ERGIC2: variants seen among roughly 807,000 people sequenced by gnomAD.
The protein encoded by ERGIC2 is ERGIC and golgi 2.
In ERGIC2, 31 loss-of-function variants were observed where a neutral mutation model predicts 52.5. The observed-to-expected ratio is 0.59, with a 90% CI of 0.44 to 0.80. The LOEUF (loss-of-function observed/expected upper bound fraction) is 0.80, where lower values mean the gene tolerates loss of function less well. Ranked by LOEUF, ERGIC2 falls within the 30% of genes least tolerant of loss-of-function variation. ERGIC2 has a pLI of 0.00. For missense variants in ERGIC2, 395 were observed against 455.2 expected (o/e 0.87, Z 1.20); for synonymous variants, 129 against 140.6 (o/e 0.92, Z 0.58).
chr12:29,351,806 T>C (rs962849856), intron 8 of ERGIC2, among the ~76,000 whole-genome samples: 10 of 152,242 alleles, frequency 6.6e-5, no homozygotes, highest in Non-Finnish European at 1.3e-4. Flanking sequence ...TCACGTTTTA[T>C]GATAAAATTC....
intron 11 of ERGIC2, 125 bp downstream of exon 11, chr12:29,345,318 C>T: frequency 1.6e-6 from 1 of 641,068 alleles, no homozygotes; most frequent in Non-Finnish European, 2.8e-6. Context: ...CATTTCAAAA[C>T]TTCCACAGAT....
At chr12:29,357,810 TTAGTTAAATCA>T in intron 6 of ERGIC2, 86 bp from the exon 7 acceptor site, 1 of 783,568 alleles carries the variant, frequency 1.3e-6, no homozygotes, top group Non-Finnish European at 2.2e-6. Context: ...TTTAGCTGAC[TTAGTTAAATCA>T]TACATTTATT....
intron 3 of ERGIC2, among the ~76,000 whole-genome samples, chr12:29,369,868 T>C (rs1434622837): frequency 6.6e-6 from 1 of 151,936 alleles, no homozygotes; most frequent in African/African-American, 2.4e-5. Flanking sequence ...AGGAAAAATA[T>C]TCCCCTAACT....
intron 3 of ERGIC2, among the ~76,000 whole-genome samples, chr12:29,368,523 T>C (rs1215105888): frequency 6.6e-6 from 1 of 151,906 alleles, no homozygotes; most frequent in African/African-American, 2.4e-5. Flanking sequence ...TATCCTTTAA[T>C]AATGGCAACT....
At chr12:29,360,024 GTTAA>G (rs1157380894) in intron 6 of ERGIC2, among the ~76,000 whole-genome samples, 3 of 151,946 alleles carry the variant, frequency 2.0e-5, no homozygotes, top group African/African-American at 2.4e-5. Context: ...ATAAAGAAAT[GTTAA>G]TTAATAAAAG....
chr12:29,374,753 T>C (rs1364054318), intron 1 of ERGIC2, among the ~76,000 whole-genome samples: 1 of 152,200 alleles, frequency 6.6e-6, no homozygotes, highest in Non-Finnish European at 1.5e-5. Flanking sequence ...TCAGGCCTAC[T>C]GAGAAATTCC....
At chr12:29,366,495 T>G (rs1052373635) in intron 5 of ERGIC2, among the ~76,000 whole-genome samples, 1 of 151,908 alleles carries the variant, frequency 6.6e-6, no homozygotes, top group African/African-American at 2.4e-5. Context: ...TACTTAAATT[T>G]GGTCATAGTA....
chr12:29,341,918 T>C, intron 12 of ERGIC2, 102 bp from the exon 13 acceptor site: 1 of 579,188 alleles, frequency 1.7e-6, no homozygotes, highest in Non-Finnish European at 3.1e-6. Flanking sequence ...CAAAGCAGTT[T>C]GCATTATTCA....
intron 5 of ERGIC2, among the ~76,000 whole-genome samples, chr12:29,365,439 A>C (rs772255769): frequency 3.2e-4 from 49 of 152,106 alleles, no homozygotes; most frequent in Non-Finnish European, 5.6e-4. Flanking sequence ...GCAACAACAG[A>C]AAGTGGGGAC....
chr12:29,342,347 A>G (rs945132807), intron 12 of ERGIC2, among the ~76,000 whole-genome samples: 7 of 152,208 alleles, frequency 4.6e-5, no homozygotes, highest in African/African-American at 1.7e-4. Context: ...TCCCACACCA[A>G]TACAATTTTG....
intron 10 of ERGIC2, among the ~76,000 whole-genome samples, chr12:29,348,317 A>G (rs1940085985): frequency 6.6e-6 from 1 of 152,108 alleles, no homozygotes; most frequent in Non-Finnish European, 1.5e-5. Flanking sequence ...ATAAAAAACT[A>G]AATCCTTAAT....
At chr12:29,357,875 T>C (rs990990521) in intron 6 of ERGIC2, 151 bp from the exon 7 acceptor site, 6 of 644,922 alleles carry the variant, frequency 9.3e-6, no homozygotes, top group Admixed American at 6.2e-5. Flanking sequence ...AAGTTTTCTT[T>C]GGTCATTTCC....
At chr12:29,361,560 G>A in intron 6 of ERGIC2, 85 bp downstream of exon 6, 1 of 965,030 alleles carries the variant, frequency 1.0e-6, no homozygotes, top group South Asian at 2.1e-5. Flanking sequence ...AATCCCTAGA[G>A]AAATGTGTTA....
chr12:29,354,688 G>T (rs1157076596), intron 8 of ERGIC2, among the ~76,000 whole-genome samples: 1 of 152,062 alleles, frequency 6.6e-6, no homozygotes, highest in Non-Finnish European at 1.5e-5. Flanking sequence ...TTTCTATTTG[G>T]CCTCTCTGAT....
At chr12:29,345,897 T>C (rs770797639) in intron 10 of ERGIC2, among the ~76,000 whole-genome samples, 1 of 152,074 alleles carries the variant, frequency 6.6e-6, no homozygotes, top group East Asian at 2.0e-4. Flanking sequence ...CAGTGAGCCA[T>C]GATTGTGCTA....
intron 6 of ERGIC2, among the ~76,000 whole-genome samples, chr12:29,361,009 G>T (rs1940277535): frequency 2.0e-5 from 3 of 152,160 alleles, no homozygotes; most frequent in Admixed American, 2.0e-4. Flanking sequence ...CCCTCTGGGA[G>T]GCCAACATGG....
rs760713581 is a variant in ERGIC2 at position 29,343,277 on chromosome 12, A to T, written c.831T>A (p.Arg277=). The T allele has an allele frequency of 3.2e-6, 5 of 1,582,614 alleles. No homozygotes were observed. In the Admixed American group the frequency reaches 9.0e-5, roughly 29 times the overall value. ...GGCTGCCTGCAGCATGGTTAATGAT[A>T]CGTTCCTAAAAGGGAGGCAAAAGGA... ...THQFSVTERE[R]IINHAAGSHG... Residue 277 remains arginine, a synonymous_variant, in exon 12 of 14, where the codon CGT becomes CGA. Transcript: ENST00000360150.
chr12:29,350,514 A>G (rs1841786453), intron 8 of ERGIC2, among the ~76,000 whole-genome samples: 1 of 152,064 alleles, frequency 6.6e-6, no homozygotes, highest in Admixed American at 6.5e-5. Flanking sequence ...ATGATCTGTA[A>G]TGAAATTTTA....
At chr12:29,360,290 T>C (rs1940265147) in intron 6 of ERGIC2, among the ~76,000 whole-genome samples, 1 of 151,796 alleles carries the variant, frequency 6.6e-6, no homozygotes, top group Non-Finnish European at 1.5e-5. Flanking sequence ...TTGAGTATTG[T>C]TTTTAATATT....
Sources: allele counts gnomAD v4.1 joint callset (sites outside exome capture counted in the v4.1 genomes callset), GRCh38; gene constraint gnomAD v4.1.1; transcripts MANE v1.5; gene names NCBI Gene and HGNC (gene_info 2026-07-23, HGNC 2026-07-21).